Variants in RANBP17 observed in about 807,000 individuals in gnomAD.
RANBP17 encodes RAN binding protein 17.
In RANBP17, 158 loss-of-function variants were observed where a neutral mutation model predicts 141.2. The ratio of observed to expected loss-of-function variants is 1.12; its 90% CI spans 0.98 to 1.28. The LOEUF (loss-of-function observed/expected upper bound fraction) is 1.28. Among genes scored for constraint, RANBP17 ranks in the 50% most tolerant of loss-of-function variants. The probability of loss-of-function intolerance (pLI) is 0.00; values close to 1 mark genes in which losing one functional copy is unlikely to be tolerated. For missense variants in RANBP17, 1,438 were observed against 1,290.7 expected (o/e 1.11, Z -1.75); for synonymous variants, 430 against 450.0 (o/e 0.96, Z 0.56).
intron 25 of RANBP17, among the ~76,000 whole-genome samples, chr5:171,285,229 T>A (rs1410691643): frequency 6.6e-6 from 1 of 152,242 alleles, no homozygotes; most frequent in Non-Finnish European, 1.5e-5. Context: ...TAGGCTGGTC[T>A]TTTTAGATAG....
At position 170,957,006 on chromosome 5, in the gene RANBP17, C is replaced by G. The variant is rs999047863; in HGVS notation, c.1574+3304C>G. On this transcript the variant is annotated intron_variant, in intron 13 of 27. Coordinates refer to ENST00000523189, the MANE Select transcript of RANBP17 (RefSeq NM_022897.5). ...AATGGCGTGAACCCCGGAGGCAGAGCTTGCAGTGAGCCGAGATCGTGCCAC... is the reference window on the plus strand; with the variant it reads ...AATGGCGTGAACCCCGGAGGCAGAGGTTGCAGTGAGCCGAGATCGTGCCAC... Among the ~76,000 whole-genome samples the G allele has an allele frequency of 5.3e-5, 8 of 151,036 alleles. No homozygotes were observed. The East Asian group carries it at 1.6e-3, about 30-fold the overall frequency.
chr5:171,009,116 T>A (rs936846308), intron 14 of RANBP17, among the ~76,000 whole-genome samples: 1 of 152,226 alleles, frequency 6.6e-6, no homozygotes, highest in Admixed American at 6.5e-5. Flanking sequence ...ATTTTGTCCC[T>A]GCCACTAAGG....
intron 25 of RANBP17, among the ~76,000 whole-genome samples, chr5:171,288,540 C>T (rs1013606633): frequency 6.6e-6 from 1 of 152,242 alleles, no homozygotes; most frequent in Non-Finnish European, 1.5e-5. Flanking sequence ...GACCTATGCA[C>T]ATATCCCGGT....
At chr5:171,100,951 T>C (rs996530525) in intron 14 of RANBP17, among the ~76,000 whole-genome samples, 1 of 152,238 alleles carries the variant, frequency 6.6e-6, no homozygotes, top group African/African-American at 2.4e-5. Context: ...TTGATTGCAC[T>C]GTGTTCAGAG....
At chr5:170,901,520 A>C (rs1422456309) in intron 5 of RANBP17, among the ~76,000 whole-genome samples, 2 of 152,172 alleles carry the variant, frequency 1.3e-5, no homozygotes, top group Non-Finnish European at 2.9e-5. Flanking sequence ...GCCCATTTAC[A>C]TTTAAGGTTA....
chr5:171,092,741 C>G (rs1786396394), intron 14 of RANBP17, among the ~76,000 whole-genome samples: 1 of 152,156 alleles, frequency 6.6e-6, no homozygotes, highest in Admixed American at 6.5e-5. Context: ...CTTCCAGCTT[C>G]TAATAAAATC....
chr5:171,094,672 A>G (rs1786548825), intron 14 of RANBP17, among the ~76,000 whole-genome samples: 1 of 152,180 alleles, frequency 6.6e-6, no homozygotes, highest in Admixed American at 6.5e-5. Context: ...ATCTTTCAGA[A>G]GTACGTTCTC....
At chr5:171,074,756 A>G (rs74543432) in intron 14 of RANBP17, among the ~76,000 whole-genome samples, 4,095 of 152,272 alleles carry the variant, frequency 0.027, 182 homozygotes, top group African/African-American at 0.092. Context: ...TAAGTGCACT[A>G]TTACATGTTA....
intron 14 of RANBP17, among the ~76,000 whole-genome samples, chr5:171,022,102 A>C (rs954199531): frequency 2.0e-5 from 3 of 152,006 alleles, no homozygotes; most frequent in Admixed American, 1.3e-4. Context: ...GGCCCTCTTC[A>C]TCCGGTTCAC....
At chr5:171,262,706 C>T (rs976156535) in intron 24 of RANBP17, among the ~76,000 whole-genome samples, 7 of 152,148 alleles carry the variant, frequency 4.6e-5, no homozygotes, top group Non-Finnish European at 8.8e-5. Flanking sequence ...TCATTATAGT[C>T]ACCTTATTAG....
chr5:170,937,356 G>C (rs900469534), intron 12 of RANBP17, among the ~76,000 whole-genome samples: 2 of 152,014 alleles, frequency 1.3e-5, no homozygotes, highest in South Asian at 4.2e-4. Flanking sequence ...TTTCATTTGG[G>C]GTGTAACTCT....
chr5:170,921,638 G>A (rs1323395803), intron 11 of RANBP17, among the ~76,000 whole-genome samples: 1 of 152,142 alleles, frequency 6.6e-6, no homozygotes, highest in African/African-American at 2.4e-5. Context: ...GTCAGTGGTA[G>A]CTTGATGGGG....
At chr5:170,899,197 G>C (rs1770405892) in intron 5 of RANBP17, among the ~76,000 whole-genome samples, 2 of 152,088 alleles carry the variant, frequency 1.3e-5, no homozygotes, top group Admixed American at 1.3e-4. Flanking sequence ...TTATTTACTT[G>C]AGCAGTGGTT....
At chr5:170,890,347 C>T (rs946042663) in intron 3 of RANBP17, among the ~76,000 whole-genome samples, 3 of 152,154 alleles carry the variant, frequency 2.0e-5, no homozygotes, top group African/African-American at 7.2e-5. Flanking sequence ...TACTGTGATT[C>T]GTAGGAGAAA....
At chr5:171,002,987 G>GCC (rs1779327219) in intron 14 of RANBP17, among the ~76,000 whole-genome samples, 1 of 152,198 alleles carries the variant, frequency 6.6e-6, no homozygotes, top group Non-Finnish European at 1.5e-5. Context: ...AAGTATATGT[G>GCC]TCATGTGTGA....
At chr5:171,017,329 A>G (rs1780509885) in intron 14 of RANBP17, among the ~76,000 whole-genome samples, 1 of 152,200 alleles carries the variant, frequency 6.6e-6, no homozygotes, top group Non-Finnish European at 1.5e-5. Flanking sequence ...AAATTGCCAT[A>G]CTGTCTTCCA....
chr5:170,944,494 A>G (rs1774594713), intron 12 of RANBP17, among the ~76,000 whole-genome samples: 2 of 152,158 alleles, frequency 1.3e-5, no homozygotes, highest in Admixed American at 6.5e-5. Context: ...TCTCGAGCCC[A>G]TGACCTGAAG....
chr5:171,005,326 G>A (rs1337122975), intron 14 of RANBP17, among the ~76,000 whole-genome samples: 1 of 152,060 alleles, frequency 6.6e-6, no homozygotes, highest in Admixed American at 6.6e-5. Flanking sequence ...AGGCATCATG[G>A]TACCTGACTT....
At chr5:171,271,075 CTTTTTTTTT>C (rs531200106) in intron 25 of RANBP17, 1 of 27,560 alleles carries the variant, frequency 3.6e-5, no homozygotes, top group African/African-American at 1.7e-4. Context: ...TATGTTATTT[CTTTTTTTTT>C]TTTTTTTTTT....
Sources: gnomAD v4.1 joint callset for allele counts (sites outside exome capture counted in the v4.1 genomes callset) on GRCh38, gnomAD v4.1.1 for gene constraint, MANE v1.5 for transcripts, NCBI Gene and HGNC (gene_info 2026-07-23, HGNC 2026-07-21) for gene names.